NNT: variants seen among roughly 807,000 people sequenced by gnomAD.
NNT encodes the protein NAD(P) transhydrogenase, mitochondrial.
Under a neutral mutation model 104.8 loss-of-function variants are expected in NNT, and 50 were observed. The ratio of observed to expected loss-of-function variants is 0.48; its 90% CI spans 0.38 to 0.60. The LOEUF is 0.60. Among genes scored for constraint, NNT ranks in the 20% least tolerant of loss-of-function variants. NNT has a pLI of 0.00. For missense variants in NNT, 1,131 were observed against 1,330.7 expected, an observed-to-expected ratio of 0.85 and a Z score of 2.33; for synonymous variants, 461 against 490.4, an observed-to-expected ratio of 0.94 and a Z score of 0.79.
At chr5:43,694,766 G>C (rs1452252751) in intron 19 of NNT, among the ~76,000 whole-genome samples, 1 of 151,690 alleles carries the variant, frequency 6.6e-6, no homozygotes, top group Non-Finnish European at 1.5e-5. Flanking sequence ...GTGTGTGTGT[G>C]TGTGTGTGTG....
Position 43,704,529 on chromosome 5 carries a change from A to G in NNT, c.*125A>G. The G allele has an allele frequency of 1.0e-6, 1 of 953,730 alleles. No individual in the cohort carries two copies. Among genetic ancestry groups the G allele is most frequent in the Non-Finnish European group, 1.5e-6 (1 of 664,316 alleles). 59.1% of individuals were successfully genotyped at this position (953,730 alleles called of 1,614,324 possible). A position where few individuals can be genotyped will look rare whatever the true frequency, so the allele number is the denominator to read the frequency against. ...AGCTCTTGGAGAAAATGAAGACTGA[A>G]GAAAGCAAAGCAAAAACTGTATAGA... On this transcript the variant is annotated 3_prime_UTR_variant, in exon 22 of 22. Transcript: ENST00000344920.
chr5:43,624,296 T>G (rs536771512), intron 6 of NNT, among the ~76,000 whole-genome samples, 176 bp downstream of exon 6: 1 of 152,346 alleles, frequency 6.6e-6, no homozygotes, highest in East Asian at 1.9e-4. Flanking sequence ...ATGTATTACT[T>G]AAACTAACAA....
intron 5 of NNT, among the ~76,000 whole-genome samples, 197 bp downstream of exon 5, chr5:43,619,316 A>G (rs1416985969): frequency 3.9e-5 from 6 of 152,118 alleles, no homozygotes; most frequent in African/African-American, 1.4e-4. Flanking sequence ...GACTTTCTGA[A>G]AGTTCTAGTC....
At chr5:43,644,916 A>G (rs1751418127) in intron 9 of NNT, 114 bp downstream of exon 9, 2 of 778,740 alleles carry the variant, frequency 2.6e-6, no homozygotes, top group Non-Finnish European at 3.9e-6. Flanking sequence ...AGGTATTGGT[A>G]TGCCAGCTTT....
intron 17 of NNT, among the ~76,000 whole-genome samples, chr5:43,670,094 G>A (rs1740968275): frequency 6.6e-6 from 1 of 152,000 alleles, no homozygotes; most frequent in Admixed American, 6.6e-5. Context: ...ATTCTCTGAT[G>A]GTAGTTTGTA....
intron 19 of NNT, among the ~76,000 whole-genome samples, chr5:43,681,432 C>T (rs1043614973): frequency 1.3e-5 from 2 of 151,838 alleles, no homozygotes; most frequent in South Asian, 4.2e-4. Context: ...GAGTTTCACT[C>T]TTGTCACCCA....
rs1743040750 is a variant in NNT, at chr5:43,704,971, G to A, written c.*567G>A. ...GTACTTCAGAGTCTATATTTCAAGG[G>A]CACATTTTCTCACTACTATTTTAAT... is the stretch of plus-strand genomic sequence containing the variant. On this transcript the variant is annotated 3_prime_UTR_variant, in exon 22 of 22. Coordinates refer to ENST00000344920, the MANE Select transcript of NNT (RefSeq NM_182977.3). The A allele has an allele frequency of 6.6e-6, 1 of 152,028 alleles. No homozygotes were observed. Among genetic ancestry groups the A allele is most frequent in the South Asian group, 2.1e-4 (1 of 4,808 alleles). 9.4% of individuals were successfully genotyped at this position (152,028 alleles called of 1,614,324 possible). A position where few individuals can be genotyped will look rare whatever the true frequency, so the allele number is the denominator to read the frequency against.
intron 17 of NNT, among the ~76,000 whole-genome samples, chr5:43,661,340 G>A (rs1410088511): frequency 6.6e-6 from 1 of 152,064 alleles, no homozygotes; most frequent in African/African-American, 2.4e-5. Flanking sequence ...CCAGCAGGGG[G>A]CAGCAGATTT....
At chr5:43,701,265 A>G (rs184860161) in intron 20 of NNT, among the ~76,000 whole-genome samples, 30 of 152,060 alleles carry the variant, frequency 2.0e-4, no homozygotes, top group Admixed American at 1.7e-3. Flanking sequence ...TCCAGGTTCT[A>G]TTGTTGCCGT....
In NNT at chr5:43,620,959, C is replaced by T. The variant is rs190657008; in HGVS notation, c.687+1840C>T. On this transcript the variant is annotated intron_variant, in intron 5 of 21. Transcript: ENST00000344920. ...AGAGGCTTAAAGAAAAGAGAATCAG[C>T]CTTTAAAAGGTGGAAAAGTGACTAT... Among the ~76,000 whole-genome samples the T allele has an allele frequency of 1.8e-3, 268 of 152,204 alleles. 1 individual carries two copies. Among genetic ancestry groups the T allele is most frequent in the African/African-American group, 6.1e-3 (254 of 41,534 alleles).
Position 43,628,406 on chromosome 5 carries a change from G to T in NNT, c.964+19G>T. 6.6e-7 allele frequency: 1 copy of T among 1,526,646 alleles called. No homozygotes were observed. The highest frequency in any genetic ancestry group is 8.8e-7 in the Non-Finnish European group (1 of 1,137,210). 94.6% of individuals were successfully genotyped at this position (1,526,646 alleles called of 1,614,324 possible). A position where few individuals can be genotyped will look rare whatever the true frequency, so the allele number is the denominator to read the frequency against. The stretch of plus-strand genomic sequence containing the variant: ...ATTCCAGGTATGCCATTAAGTAAAC[G>T]GTTATTTTAAAAGCACTTTTACTCT... On this transcript the variant is annotated intron_variant, in intron 7 of 21. Transcript: ENST00000344920.
At chr5:43,629,795 A>T (rs1361742736) in intron 7 of NNT, among the ~76,000 whole-genome samples, 2 of 151,956 alleles carry the variant, frequency 1.3e-5, no homozygotes, top group East Asian at 1.9e-4. Context: ...TTGTCTATTC[A>T]TGTCCTTTGT....
chr5:43,637,638 G>T (rs1561280614), intron 7 of NNT, among the ~76,000 whole-genome samples: 1 of 152,134 alleles, frequency 6.6e-6, no homozygotes, highest in Non-Finnish European at 1.5e-5. Context: ...GTGCTGTGCA[G>T]AAGGCAGCAA....
intron 8 of NNT, 69 bp from the exon 9 acceptor site, chr5:43,644,539 AATG>A (rs1751398925): frequency 1.5e-6 from 2 of 1,334,344 alleles, no homozygotes; most frequent in East Asian, 2.4e-5. Flanking sequence ...ATTGAATATG[AATG>A]ATAATTGTTC....
chr5:43,691,064 T>C (rs1468048176), intron 19 of NNT, among the ~76,000 whole-genome samples: 1 of 144,778 alleles, frequency 6.9e-6, no homozygotes, highest in South Asian at 2.2e-4. Flanking sequence ...AGAATTTTTT[T>C]GAGAGAGTGT....
At chr5:43,617,680 C>T (rs758624500) in intron 4 of NNT, among the ~76,000 whole-genome samples, 11 of 152,264 alleles carry the variant, frequency 7.2e-5, no homozygotes, top group South Asian at 2.1e-4. Context: ...AATGTTTCCT[C>T]GTACATTTCC....
rs754632786 is a variant in NNT at position 43,619,070 on chromosome 5, G to GT, written c.645dup (p.Thr216TyrfsTer14). 4.5e-6 allele frequency: 7 copies of GT among 1,550,542 alleles called. No individual in the cohort carries two copies. Among genetic ancestry groups the GT allele is most frequent in the Admixed American group, 3.5e-5 (2 of 56,354 alleles). On this transcript the variant is annotated frameshift_variant, in exon 5 of 22. Coordinates refer to ENST00000344920, the MANE Select transcript of NNT (RefSeq NM_182977.3). LOFTEE classifies it high-confidence loss of function. ...GTCCTAGCAGCAAATCATTTTGGACGTTTTTTTACTGGTCAGATCACAGCT... is the reference window on the plus strand; with the variant it reads ...GTCCTAGCAGCAAATCATTTTGGACGTTTTTTTTACTGGTCAGATCACAGCT...
intron 19 of NNT, among the ~76,000 whole-genome samples, chr5:43,691,937 AT>A (rs1253355472): frequency 6.6e-6 from 1 of 152,234 alleles, no homozygotes; most frequent in African/African-American, 2.4e-5. Flanking sequence ...GTGCATTAAA[AT>A]ACATATTAAT....
intron 14 of NNT, 97 bp downstream of exon 14, chr5:43,653,310 G>T: frequency 8.5e-7 from 1 of 1,176,598 alleles, no homozygotes; most frequent in Non-Finnish European, 1.2e-6. Context: ...TTTGTTCATG[G>T]AAGTTGCTTC....
Sources: allele counts gnomAD v4.1 joint callset (sites outside exome capture counted in the v4.1 genomes callset), GRCh38; gene constraint gnomAD v4.1.1; transcripts MANE v1.5; gene names NCBI Gene and HGNC (gene_info 2026-07-23, HGNC 2026-07-21).